The following PAM variants were observed in gnomAD, a reference collection of about 807,000 sequenced individuals.
PAM encodes peptidyl-glycine alpha-amidating monooxygenase.
In PAM, 72 loss-of-function variants were observed where a neutral mutation model predicts 122.1. That is an observed-to-expected ratio of 0.59 (90% CI 0.49 to 0.72). The LOEUF is 0.72. PAM is among the 30% of genes least tolerant of loss of function. The pLI is 0.00. For synonymous variants in PAM, 389 were observed against 404.4 expected, an observed-to-expected ratio of 0.96 and a Z score of 0.46; for missense variants, 1,106 against 1,183.7, an observed-to-expected ratio of 0.93 and a Z score of 0.96.
At chr5:102,848,507 T>C (rs994933633) in intron 1 of PAM, among the ~76,000 whole-genome samples, 12 of 152,178 alleles carry the variant, frequency 7.9e-5, no homozygotes, top group Admixed American at 2.6e-4. Context: ...AAAGACCAAC[T>C]TGATGCTCAG....
At chr5:103,000,411 T>C (rs1777050370) in intron 16 of PAM, among the ~76,000 whole-genome samples, 1 of 152,208 alleles carries the variant, frequency 6.6e-6, no homozygotes, top group African/African-American at 2.4e-5. Context: ...TCTAGAAAGT[T>C]ACAAACTTTC....
chr5:102,828,251 G>T (rs1047657183), intron 1 of PAM, among the ~76,000 whole-genome samples: 2 of 152,108 alleles, frequency 1.3e-5, no homozygotes, highest in Non-Finnish European at 2.9e-5. Flanking sequence ...GGAGGCTGAG[G>T]TGGGAGGATT....
At chr5:102,951,895 G>A (rs529743559) in intron 12 of PAM, among the ~76,000 whole-genome samples, 74 of 152,116 alleles carry the variant, frequency 4.9e-4, no homozygotes, top group African/African-American at 1.8e-3. Flanking sequence ...TTATTATTGA[G>A]TTATGGGAAA....
chr5:102,901,358 C>G lies in PAM; in HGVS notation c.213C>G (p.Ser71=), dbSNP rs750471285. The G allele has an allele frequency of 6.4e-7, 1 of 1,554,134 alleles. No homozygotes were observed. Among genetic ancestry groups the G allele is most frequent in the South Asian group, 1.1e-5 (1 of 89,158 alleles). ...TTTTTTAATCTTTTTTTTAATAGTC[C>G]GATACATACTTCTGCATGTCTATGC... ...IRMPGVTPKQ[S]DTYFCMSMRI... is the part of the protein sequence containing the mutation. Residue 71 remains serine, a splice_region_variant and synonymous_variant, in exon 4 of 26, where the codon TCC becomes TCG. Transcript: ENST00000438793.
chr5:102,823,282 C>A (rs1190563569), intron 1 of PAM, among the ~76,000 whole-genome samples: 1 of 152,108 alleles, frequency 6.6e-6, no homozygotes, highest in Non-Finnish European at 1.5e-5. Context: ...AGAGTAAAAT[C>A]ACAATGTTTA....
intron 1 of PAM, among the ~76,000 whole-genome samples, chr5:102,828,142 G>A (rs1193168166): frequency 6.6e-6 from 1 of 151,858 alleles, no homozygotes; most frequent in South Asian, 2.1e-4. Context: ...AGTTCAAGAC[G>A]AGCCTGGGCA....
chr5:103,027,388 C>A lies in PAM; in HGVS notation c.2690-797C>A, dbSNP rs76388846. On this transcript the variant is annotated intron_variant, in intron 24 of 25. Coordinates refer to ENST00000438793, the MANE Select transcript of PAM (RefSeq NM_001177306.2). ...CTTTTTCCATGATGCTGACTTCAGT[C>A]CTGGTTAAAGACCTAACAGGACAAC... 5.8e-3 allele frequency among the ~76,000 whole-genome samples: 890 copies of A among 152,286 alleles called. 6 individuals are homozygous for A. Among genetic ancestry groups the A allele is most frequent in the African/African-American group, 0.021 (853 of 41,552 alleles).
chr5:102,868,807 G>A (rs1488645896), intron 3 of PAM, among the ~76,000 whole-genome samples: 1 of 152,038 alleles, frequency 6.6e-6, no homozygotes, highest in Non-Finnish European at 1.5e-5. Context: ...TTATTTAAGA[G>A]TAATAACATT....
intron 1 of PAM, among the ~76,000 whole-genome samples, chr5:102,769,067 T>C (rs957369743): frequency 1.3e-5 from 2 of 152,154 alleles, no homozygotes; most frequent in African/African-American, 4.8e-5. Context: ...TGACATCTCA[T>C]TGTAGTTTTT....
rs200526942 is a variant in PAM at position 103,019,794 on chromosome 5, G to A, written c.2436G>A (p.Leu812=). ...CTCCTTGTTGTGTTGTTACAGAATT[G>A]GAACATCGATCAGTTAAAAAGGCTG... ...TVWKFTLTEK[L]EHRSVKKAGI... The change falls in exon 23 of 26, where the codon TTG becomes TTA. Residue 812 remains leucine, a synonymous_variant. Coordinates refer to ENST00000438793, the MANE Select transcript of PAM (RefSeq NM_001177306.2). The A allele has an allele frequency of 2.0e-5, 32 of 1,601,900 alleles. No homozygotes were observed. The highest frequency in any genetic ancestry group is 2.7e-5 in the Non-Finnish European group (31 of 1,169,220).
chr5:102,882,007 C>G (rs1266597215), intron 3 of PAM, among the ~76,000 whole-genome samples: 5 of 131,764 alleles, frequency 3.8e-5, no homozygotes, highest in African/African-American at 1.4e-4. Context: ...GCTGTGAATG[C>G]CATTATTTCA....
intron 9 of PAM, 55 bp downstream of exon 9, chr5:102,948,500 T>A (rs1159708505): frequency 1.2e-6 from 1 of 853,028 alleles, no homozygotes; most frequent in Non-Finnish European, 2.0e-6. Flanking sequence ...TCTGTAGAAA[T>A]GGATTTATAC....
chr5:103,007,839 C>T (rs577076998), intron 20 of PAM, among the ~76,000 whole-genome samples, 182 bp downstream of exon 20: 64 of 152,146 alleles, frequency 4.2e-4, no homozygotes, highest in South Asian at 1.5e-3. Context: ...ATTCATTGTA[C>T]AGAAACAATG....
intron 7 of PAM, 78 bp from the exon 8 acceptor site, chr5:102,946,759 T>C: frequency 1.2e-6 from 1 of 835,110 alleles, no homozygotes; most frequent in Non-Finnish European, 2.0e-6. Context: ...TTGGTTATAA[T>C]CATTTCTATC....
At chr5:102,930,582 G>A (rs1751138253) in intron 7 of PAM, among the ~76,000 whole-genome samples, 1 of 152,200 alleles carries the variant, frequency 6.6e-6, no homozygotes, top group Admixed American at 6.5e-5. Context: ...CAAGAAATTA[G>A]AAGAGAGGTC....
chr5:102,840,651 A>G (rs1008597753), intron 1 of PAM, among the ~76,000 whole-genome samples: 2 of 152,212 alleles, frequency 1.3e-5, no homozygotes, highest in South Asian at 2.1e-4. Flanking sequence ...TATATTTTCC[A>G]TATATTTACG....
chr5:102,759,142 A>G (rs1751569576), intron 1 of PAM, among the ~76,000 whole-genome samples: 1 of 152,238 alleles, frequency 6.6e-6, no homozygotes, highest in Non-Finnish European at 1.5e-5. Flanking sequence ...TTATAATGCC[A>G]TATGATTCAT....
intron 3 of PAM, among the ~76,000 whole-genome samples, chr5:102,894,577 T>C (rs778207487): frequency 2.0e-5 from 3 of 151,678 alleles, no homozygotes; most frequent in Non-Finnish European, 4.4e-5. Flanking sequence ...TTTTTATGTT[T>C]CCTAAATTTA....
At chr5:102,866,421 C>G (rs1375885980) in intron 2 of PAM, 137 bp downstream of exon 2, 1 of 653,216 alleles carries the variant, frequency 1.5e-6, no homozygotes, top group Non-Finnish European at 2.8e-6. Flanking sequence ...ACAGTAACTT[C>G]TTGTGAAGTC....
Sources: allele counts gnomAD v4.1 joint callset (sites outside exome capture counted in the v4.1 genomes callset), GRCh38; gene constraint gnomAD v4.1.1; transcripts MANE v1.5; gene names NCBI Gene and HGNC (gene_info 2026-07-23, HGNC 2026-07-21).